The following ZNF407 variants were observed in gnomAD, a reference collection of about 807,000 sequenced individuals.
The protein encoded by ZNF407 is zinc finger protein 407.
Under a neutral mutation model 131.2 loss-of-function variants are expected in ZNF407, and 17 were observed. That is an observed-to-expected ratio of 0.13 (90% CI 0.09 to 0.19). ZNF407 has a LOEUF of 0.19. ZNF407 is among the 10% of genes least tolerant of loss of function. The pLI, the probability that ZNF407 is intolerant of heterozygous loss-of-function variation, is 1.00. For missense variants in ZNF407, 2,681 were observed against 2,830.6 expected, an observed-to-expected ratio of 0.95 and a Z score of 1.20; for synonymous variants, 1,156 against 1,062.0, an observed-to-expected ratio of 1.09 and a Z score of -1.72.
At chr18:74,913,493 G>A (rs1307805907) in intron 7 of ZNF407, among the ~76,000 whole-genome samples, 1 of 152,224 alleles carries the variant, frequency 6.6e-6, no homozygotes, top group East Asian at 1.9e-4. Flanking sequence ...CGAGATGCCA[G>A]TGTGTGTGGT....
chr18:74,716,644 T>C (rs1271896097), intron 3 of ZNF407, among the ~76,000 whole-genome samples: 1 of 152,120 alleles, frequency 6.6e-6, no homozygotes. Flanking sequence ...ACCTGCTTGG[T>C]GAAGTAAACA....
At chr18:74,905,519 G>A (rs1266363688) in intron 7 of ZNF407, 1 of 152,266 alleles carries the variant, frequency 6.6e-6, no homozygotes, top group Admixed American at 6.5e-5. Context: ...TCCTCTCAAG[G>A]GTGGTGGATG....
intron 7 of ZNF407, among the ~76,000 whole-genome samples, chr18:74,906,219 G>A (rs912821347): frequency 1.3e-5 from 2 of 152,170 alleles, no homozygotes; most frequent in Admixed American, 6.5e-5. Flanking sequence ...AAAGAATAAA[G>A]AAGTTAGCTC....
At chr18:75,044,088 C>G (rs1214091830) in intron 8 of ZNF407, among the ~76,000 whole-genome samples, 2 of 152,056 alleles carry the variant, frequency 1.3e-5, no homozygotes, top group Non-Finnish European at 2.9e-5. Context: ...GCCACGATAT[C>G]AAACACCACT....
intron 7 of ZNF407, among the ~76,000 whole-genome samples, chr18:74,896,245 C>G (rs1971451751): frequency 6.6e-6 from 1 of 152,116 alleles, no homozygotes; most frequent in Non-Finnish European, 1.5e-5. Flanking sequence ...TTGATCAGAA[C>G]AGACTTTAAA....
At chr18:74,673,744 G>GCA (rs147062375) in intron 3 of ZNF407, among the ~76,000 whole-genome samples, 6 of 151,998 alleles carry the variant, frequency 3.9e-5, no homozygotes, top group South Asian at 2.1e-4. Context: ...ATACACAAGT[G>GCA]CACACACACA....
chr18:74,808,887 A>T (rs191465792), intron 4 of ZNF407, among the ~76,000 whole-genome samples: 1 of 152,328 alleles, frequency 6.6e-6, no homozygotes, highest in African/African-American at 2.4e-5. Flanking sequence ...ATATTAAATT[A>T]TATCAGAGAC....
intron 3 of ZNF407, among the ~76,000 whole-genome samples, chr18:74,752,797 G>A (rs1968837623): frequency 6.6e-6 from 1 of 152,224 alleles, no homozygotes; most frequent in Non-Finnish European, 1.5e-5. Context: ...ATAGTTTGAA[G>A]CTAGGTAGCG....
At chr18:74,611,957 C>T (rs1034059518) in intron 1 of ZNF407, among the ~76,000 whole-genome samples, 19 of 152,084 alleles carry the variant, frequency 1.2e-4, no homozygotes, top group Non-Finnish European at 2.5e-4. Flanking sequence ...CTCACAGTCA[C>T]GCTCTTTGTA....
At chr18:74,936,375 G>T (rs1029793661) in intron 8 of ZNF407, among the ~76,000 whole-genome samples, 1 of 152,150 alleles carries the variant, frequency 6.6e-6, no homozygotes, top group African/African-American at 2.4e-5. Flanking sequence ...TGGAATGTTT[G>T]GCCTAAAGGG....
intron 8 of ZNF407, among the ~76,000 whole-genome samples, chr18:74,968,746 T>C (rs963784869): frequency 5.9e-5 from 9 of 152,218 alleles, no homozygotes; most frequent in African/African-American, 2.2e-4. Flanking sequence ...AGTTTAATTA[T>C]GAAGTGTCTT....
chr18:75,042,955 A>G (rs951163751), intron 8 of ZNF407, among the ~76,000 whole-genome samples: 3 of 152,124 alleles, frequency 2.0e-5, no homozygotes, highest in African/African-American at 4.8e-5. Flanking sequence ...GGTGATGGAC[A>G]TTAGGTTGCT....
chr18:75,029,127 C>G (rs1384634499), intron 8 of ZNF407, among the ~76,000 whole-genome samples: 1 of 152,120 alleles, frequency 6.6e-6, no homozygotes, highest in African/African-American at 2.4e-5. Flanking sequence ...TTTAGTTTGA[C>G]CTGAAAATTC....
chr18:74,655,641 C>G (rs1370965359), intron 3 of ZNF407, among the ~76,000 whole-genome samples: 6 of 152,110 alleles, frequency 3.9e-5, no homozygotes, highest in African/African-American at 1.4e-4. Flanking sequence ...TAAACATTTT[C>G]CCCTCTCCTC....
At chr18:74,628,197 T>C (rs1266625617) in intron 1 of ZNF407, among the ~76,000 whole-genome samples, 1 of 152,202 alleles carries the variant, frequency 6.6e-6, no homozygotes, top group Non-Finnish European at 1.5e-5. Context: ...GATAAATTTA[T>C]CTTTTTACTC....
intron 4 of ZNF407, among the ~76,000 whole-genome samples, chr18:74,823,106 A>G (rs1280971852): frequency 2.0e-5 from 3 of 152,090 alleles, no homozygotes; most frequent in African/African-American, 7.2e-5. Flanking sequence ...TATCCAGCCA[A>G]ACTAAGCTAC....
chr18:74,858,206 C>T (rs1342770431), intron 4 of ZNF407, among the ~76,000 whole-genome samples: 2 of 150,984 alleles, frequency 1.3e-5, no homozygotes, highest in East Asian at 1.9e-4. Flanking sequence ...GCCTTCCTGC[C>T]TGCCTTCCTC....
chr18:74,739,082 TG>T (rs1213837425), intron 3 of ZNF407, among the ~76,000 whole-genome samples: 2 of 152,024 alleles, frequency 1.3e-5, no homozygotes, highest in African/African-American at 4.8e-5. Flanking sequence ...ACAACATGTA[TG>T]TTTTTTTCTG....
At chr18:74,932,954 A>G (rs1289531044) in intron 8 of ZNF407, among the ~76,000 whole-genome samples, 1 of 152,198 alleles carries the variant, frequency 6.6e-6, no homozygotes, top group Non-Finnish European at 1.5e-5. Flanking sequence ...GCGAATGTAC[A>G]ATAGTGCAGC....
Sources: allele counts gnomAD v4.1 joint callset (sites outside exome capture counted in the v4.1 genomes callset), GRCh38; gene constraint gnomAD v4.1.1; transcripts MANE v1.5; gene names NCBI Gene and HGNC (gene_info 2026-07-23, HGNC 2026-07-21).